Variants in FHIT observed in about 807,000 individuals in gnomAD.
FHIT encodes bis(5'-adenosyl)-triphosphatase.
A neutral mutation model predicts 17.9 loss-of-function variants in FHIT; 19 were observed. The ratio of observed to expected loss-of-function variants is 1.06; its 90% confidence interval spans 0.74 to 1.56. FHIT has a LOEUF of 1.56. Among genes scored for constraint, FHIT ranks in the 40% most tolerant of loss-of-function variants. FHIT has a pLI of 0.00. For missense variants in FHIT, 248 were observed against 189.2 expected (o/e 1.31, Z -1.82); for synonymous variants, 81 against 69.7 (o/e 1.16, Z -0.81).
intron 5 of FHIT, among the ~76,000 whole-genome samples, chr3:60,523,682 C>A (rs779684223): frequency 6.6e-6 from 1 of 152,108 alleles, no homozygotes; most frequent in African/African-American, 2.4e-5. Context: ...CATGAGCCGA[C>A]GAGTTATCAA....
intron 7 of FHIT, among the ~76,000 whole-genome samples, chr3:59,933,169 T>C (rs1041436363): frequency 6.6e-6 from 1 of 152,180 alleles, no homozygotes; most frequent in Non-Finnish European, 1.5e-5. Context: ...TGAGGCAGGC[T>C]TTGCATCTAG....
At chr3:60,144,825 A>G (rs1010279622) in intron 5 of FHIT, among the ~76,000 whole-genome samples, 10 of 152,178 alleles carry the variant, frequency 6.6e-5, no homozygotes, top group African/African-American at 2.2e-4. Context: ...ATAAAATACC[A>G]GAATGTATTT....
At chr3:60,443,633 A>C (rs1204294512) in intron 5 of FHIT, among the ~76,000 whole-genome samples, 1 of 152,110 alleles carries the variant, frequency 6.6e-6, no homozygotes, top group African/African-American at 2.4e-5. Flanking sequence ...CCACTTGATC[A>C]TGGTGGATAA....
intron 2 of FHIT, among the ~76,000 whole-genome samples, chr3:61,085,849 CT>C (rs1410106677): frequency 7.2e-5 from 11 of 152,066 alleles, no homozygotes; most frequent in Non-Finnish European, 1.3e-4. Context: ...TCCACCTCAC[CT>C]TCTTTGGAAA....
At chr3:60,487,170 G>A (rs1314133964) in intron 5 of FHIT, among the ~76,000 whole-genome samples, 2 of 152,168 alleles carry the variant, frequency 1.3e-5, no homozygotes, top group Non-Finnish European at 2.9e-5. Flanking sequence ...AAGGGACTGA[G>A]TAAGAGACTT....
chr3:60,006,270 T>C (rs556412743), intron 7 of FHIT, among the ~76,000 whole-genome samples: 1 of 152,318 alleles, frequency 6.6e-6, no homozygotes, highest in South Asian at 2.1e-4. Flanking sequence ...GATATTTAAA[T>C]AGCACAAGTC....
In FHIT at chr3:59,968,581, C is replaced by T. The variant is rs114507113; in HGVS notation, c.279+42790G>A. ...CAGATACCAGCAGTTCTCACAATGC[C>T]TCTAGTGGTAATTCTGTGGTTTTAT... On this transcript the variant is annotated intron_variant, in intron 7 of 9. Transcript: ENST00000492590. Among the ~76,000 whole-genome samples the T allele has an allele frequency of 3.7e-3, 570 of 152,184 alleles. 5 individuals carry two copies. Among genetic ancestry groups the T allele is most frequent in the African/African-American group, 0.013 (554 of 41,532 alleles).
intron 5 of FHIT, among the ~76,000 whole-genome samples, chr3:60,469,951 T>A (rs2032996165): frequency 6.6e-6 from 1 of 152,014 alleles, no homozygotes; most frequent in Non-Finnish European, 1.5e-5. Flanking sequence ...CCAGAAGAAT[T>A]CCCTGGATTA....
intron 5 of FHIT, among the ~76,000 whole-genome samples, chr3:60,522,979 A>G (rs1387272980): frequency 6.6e-6 from 1 of 152,164 alleles, no homozygotes; most frequent in Non-Finnish European, 1.5e-5. Flanking sequence ...ATCATGGCAG[A>G]AGTCAAAAGG....
intron 5 of FHIT, among the ~76,000 whole-genome samples, chr3:60,395,497 G>A (rs1442345936): frequency 6.6e-6 from 1 of 152,156 alleles, no homozygotes; most frequent in East Asian, 1.9e-4. Context: ...AAAGTGAGAT[G>A]TAAGGAAAGG....
chr3:60,842,643 A>ATTTTTTT (rs1390675032), intron 3 of FHIT, among the ~76,000 whole-genome samples: 22 of 48,214 alleles, frequency 4.6e-4, no homozygotes, highest in Non-Finnish European at 6.1e-4. Flanking sequence ...ATATATATAT[A>ATTTTTTT]TATTTTTTTT....
At chr3:61,213,447 T>C (rs1035486259) in intron 1 of FHIT, among the ~76,000 whole-genome samples, 1 of 152,108 alleles carries the variant, frequency 6.6e-6, no homozygotes, top group African/African-American at 2.4e-5. Flanking sequence ...ATTCAACAAG[T>C]AGAGCTAACT....
intron 3 of FHIT, among the ~76,000 whole-genome samples, chr3:60,854,198 G>A (rs1289629350): frequency 1.3e-5 from 2 of 151,924 alleles, no homozygotes; most frequent in East Asian, 1.9e-4. Context: ...TCCAACACCA[G>A]GACATTTCAT....
intron 2 of FHIT, among the ~76,000 whole-genome samples, chr3:61,191,437 T>C (rs1342592910): frequency 1.3e-5 from 2 of 152,172 alleles, no homozygotes; most frequent in Non-Finnish European, 2.9e-5. Flanking sequence ...CCACCGGCTT[T>C]CCTGGGTCTC....
At chr3:59,821,386 G>T (rs1700782412) in intron 8 of FHIT, among the ~76,000 whole-genome samples, 1 of 152,210 alleles carries the variant, frequency 6.6e-6, no homozygotes, top group African/African-American at 2.4e-5. Context: ...GGTGCCTCTT[G>T]TCAGTGTCCT....
chr3:60,874,820 G>A (rs1553755968), intron 3 of FHIT, among the ~76,000 whole-genome samples: 1 of 152,082 alleles, frequency 6.6e-6, no homozygotes. Flanking sequence ...TCACCTCTGA[G>A]GCAGGGTGTT....
At chr3:59,909,392 T>A (rs1235165086) in intron 8 of FHIT, among the ~76,000 whole-genome samples, 1 of 151,632 alleles carries the variant, frequency 6.6e-6, no homozygotes, top group African/African-American at 2.4e-5. Context: ...TGCAGTGGCA[T>A]GATCTCAGCT....
chr3:61,205,757 A>G (rs1300334417), intron 1 of FHIT, among the ~76,000 whole-genome samples: 1 of 152,046 alleles, frequency 6.6e-6, no homozygotes, highest in Non-Finnish European at 1.5e-5. Flanking sequence ...ATTTTCTCCC[A>G]TTCTGTAGGT....
chr3:60,553,595 T>C (rs1477967906), intron 4 of FHIT, among the ~76,000 whole-genome samples: 2 of 147,248 alleles, frequency 1.4e-5, no homozygotes, highest in South Asian at 2.2e-4. Context: ...TCAAGAAAGA[T>C]ATAGGGTGTA....
Sources: gnomAD v4.1 joint callset for allele counts (sites outside exome capture counted in the v4.1 genomes callset) on GRCh38, gnomAD v4.1.1 for gene constraint, MANE v1.5 for transcripts, NCBI Gene and HGNC (gene_info 2026-07-23, HGNC 2026-07-21) for gene names.